RHBDL3: variants seen among roughly 807,000 people sequenced by gnomAD.
RHBDL3 encodes the protein rhomboid like 3, also known as rhomboid-related protein 3.
In RHBDL3, 28 loss-of-function variants were observed where a neutral mutation model predicts 48.2. The observed-to-expected ratio is 0.58, with a 90% CI of 0.43 to 0.80. RHBDL3 has a LOEUF of 0.80. Ranked by LOEUF, RHBDL3 falls within the 30% of genes least tolerant of loss-of-function variation. The pLI is 0.00. For synonymous variants in RHBDL3, 208 were observed against 232.3 expected (o/e 0.90, Z 0.95); for missense variants, 464 against 542.7 (o/e 0.85, Z 1.44).
intron 2 of RHBDL3, among the ~76,000 whole-genome samples, chr17:32,282,607 G>A (rs1160449590): frequency 6.6e-6 from 1 of 152,084 alleles, no homozygotes; most frequent in Non-Finnish European, 1.5e-5. Context: ...GTCCTTTCTT[G>A]TTCAATTCTG....
rs753792496 is a variant in RHBDL3 at position 32,320,964 on chromosome 17, T to C, written c.950T>C (p.Met317Thr). The part of the protein sequence containing the change: ...RMAVALICMS[M>T]EFGRAVWLRF... ...CTGCTTCCTCCCCTTGCAGTGAGCATGGAGTTTGGGCGGGCCGTGTGGCTC... is the reference window on the plus strand; with the variant it reads ...CTGCTTCCTCCCCTTGCAGTGAGCACGGAGTTTGGGCGGGCCGTGTGGCTC... The change falls in exon 9 of 9, where the codon ATG becomes ACG. Residue 317 changes from methionine to threonine, a missense_variant. Physicochemically the swap from Met to Thr is moderately conservative, Grantham distance 81 (BLOSUM62 -1). Coordinates refer to ENST00000269051, the MANE Select transcript of RHBDL3 (RefSeq NM_138328.3). 35 of 1,610,826 alleles carry C rather than the reference T, an allele frequency of 2.2e-5. No homozygotes were observed. The highest frequency in any genetic ancestry group is 2.9e-5 in the Non-Finnish European group (34 of 1,178,344).
chr17:32,299,019 G>C (rs997466056), intron 6 of RHBDL3, among the ~76,000 whole-genome samples: 3 of 151,140 alleles, frequency 2.0e-5, no homozygotes, highest in African/African-American at 7.3e-5. Flanking sequence ...GATCTCCCTC[G>C]TGATGTCTCC....
intron 8 of RHBDL3, 112 bp from the exon 9 acceptor site, chr17:32,320,846 G>A: frequency 1.3e-6 from 1 of 741,828 alleles, no homozygotes; most frequent in Non-Finnish European, 2.3e-6. Flanking sequence ...CCAGTGCAGA[G>A]AATGGTGCTT....
At chr17:32,293,227 G>C (rs1167260135) in intron 4 of RHBDL3, among the ~76,000 whole-genome samples, 4 of 152,102 alleles carry the variant, frequency 2.6e-5, no homozygotes, top group African/African-American at 9.7e-5. Context: ...TGCAAATGAA[G>C]AGTTCTGTGG....
chr17:32,266,815 C>T (rs564932805), intron 1 of RHBDL3, among the ~76,000 whole-genome samples: 6 of 152,350 alleles, frequency 3.9e-5, no homozygotes, highest in African/African-American at 1.2e-4. Flanking sequence ...AGCCGGCCCC[C>T]GCCTCTGACC....
At chr17:32,296,214 G>T (rs918621461) in intron 5 of RHBDL3, among the ~76,000 whole-genome samples, 1 of 137,612 alleles carries the variant, frequency 7.3e-6, no homozygotes, top group Non-Finnish European at 1.5e-5. Flanking sequence ...GAGAGAGACT[G>T]CCTGGATGAC....
intron 8 of RHBDL3, 123 bp downstream of exon 8, chr17:32,316,415 G>T: frequency 2.9e-6 from 2 of 677,990 alleles, no homozygotes; most frequent in South Asian, 3.8e-5. Context: ...CATGTCAATG[G>T]TTAGCAAAAA....
intron 2 of RHBDL3, chr17:32,284,352 C>G (rs896434381): frequency 3.5e-6 from 1 of 286,574 alleles, no homozygotes; most frequent in Non-Finnish European, 6.6e-6. Context: ...CATCTTCCTG[C>G]ACTCATTGCC....
At chr17:32,269,934 A>G (rs1044180507) in intron 2 of RHBDL3, among the ~76,000 whole-genome samples, 1 of 152,090 alleles carries the variant, frequency 6.6e-6, no homozygotes, top group Non-Finnish European at 1.5e-5. Context: ...CTAGTGGTCT[A>G]TTAAATCGAA....
intron 5 of RHBDL3, among the ~76,000 whole-genome samples, chr17:32,297,463 AAAAAC>A (rs1006995200): frequency 2.0e-5 from 3 of 152,016 alleles, no homozygotes; most frequent in Non-Finnish European, 4.4e-5. Flanking sequence ...CTCCATCTCA[AAAAAC>A]AAAACAAAAC....
chr17:32,288,796 G>A lies in RHBDL3; in HGVS notation c.299G>A (p.Ser100Asn), dbSNP rs776455666. Residue 100 changes from serine (S) to asparagine (N), a missense_variant, in exon 4 of 9, where the codon AGC (serine) becomes AAC (asparagine). Physicochemically the swap from Ser to Asn is conservative, Grantham distance 46. Coordinates refer to ENST00000269051, the MANE Select transcript of RHBDL3 (RefSeq NM_138328.3). ...CCCACTCCATTTCCTGCACAGATGA[G>A]CAACAAGCGTTCCAACAGCTTCCGC... is the stretch of plus-strand genomic sequence containing the variant. Reference protein sequence around the residue: ...IGYQDFVSLMSNKRSNSFRQA... With the variant: ...IGYQDFVSLMNNKRSNSFRQA... 6.2e-7 allele frequency: 1 copy of A among 1,610,158 alleles called. No individual in the cohort carries two copies. The highest frequency in any genetic ancestry group is 1.1e-5 in the South Asian group (1 of 90,726).
chr17:32,298,522 T>TAA (rs2040508400), intron 6 of RHBDL3, among the ~76,000 whole-genome samples: 1 of 152,220 alleles, frequency 6.6e-6, no homozygotes, highest in East Asian at 1.9e-4. Flanking sequence ...TAACCTCTTT[T>TAA]GGCCATGTTA....
chr17:32,278,320 G>A (rs1204320993), intron 2 of RHBDL3, among the ~76,000 whole-genome samples: 3 of 152,030 alleles, frequency 2.0e-5, no homozygotes, highest in Admixed American at 6.6e-5. Flanking sequence ...TAAACTCAGG[G>A]GCTATGTTTC....
chr17:32,313,781 G>A (rs1247702483), intron 7 of RHBDL3, among the ~76,000 whole-genome samples: 2 of 115,868 alleles, frequency 1.7e-5, no homozygotes, highest in African/African-American at 3.1e-5. Flanking sequence ...TTTTTGAGAC[G>A]AGTCTCACTC....
rs989140990 is a variant in RHBDL3 at position 32,297,196 on chromosome 17, A to G, written c.669-896A>G. 2.9e-3 allele frequency among the ~76,000 whole-genome samples: 443 copies of G among 150,418 alleles called. 2 individuals are homozygous for G. The highest frequency in any genetic ancestry group is 0.01 in the African/African-American group (421 of 41,172). Reference sequence around the variant, plus strand: ...ATAGAGCCAGAACATGGCCAGGCGCAGTGGCTCATGCCTGTAATCCCAAAA... The same window carrying G: ...ATAGAGCCAGAACATGGCCAGGCGCGGTGGCTCATGCCTGTAATCCCAAAA... On this transcript the variant is annotated intron_variant, in intron 5 of 8. Transcript: ENST00000269051.
At chr17:32,309,455 G>A (rs1027713393) in intron 7 of RHBDL3, among the ~76,000 whole-genome samples, 2 of 152,048 alleles carry the variant, frequency 1.3e-5, no homozygotes, top group African/African-American at 2.4e-5. Flanking sequence ...GGGAGGCTGA[G>A]GCAGGAGAAT....
intron 5 of RHBDL3, among the ~76,000 whole-genome samples, chr17:32,296,399 G>A (rs1200581745): frequency 1.4e-5 from 2 of 138,826 alleles, no homozygotes; most frequent in Admixed American, 7.7e-5. Flanking sequence ...GCAGTGGCGC[G>A]ATCTTGGCTC....
In RHBDL3 at chr17:32,284,818, G is replaced by T; in HGVS notation, c.294+1G>T. 1 of 1,613,602 alleles carries T rather than the reference G, an allele frequency of 6.2e-7. No individual in the cohort carries two copies. The highest frequency in any genetic ancestry group is 8.5e-7 in the Non-Finnish European group (1 of 1,179,822). On this transcript the variant is annotated splice_donor_variant, in intron 3 of 8. Coordinates refer to ENST00000269051, the MANE Select transcript of RHBDL3 (RefSeq NM_138328.3). LOFTEE classifies it high-confidence loss of function. ...CGGCTACCAGGATTTTGTCAGCCTA[G>T]TGAGTGCTCTGGGGCCCTTGGTACT...
Position 32,324,236 on chromosome 17 carries a change from G to A in RHBDL3, c.*3007G>A, listed in dbSNP as rs1461090696. 6.6e-6 allele frequency: 1 copy of A among 152,592 alleles called. No individual in the cohort carries two copies. Among genetic ancestry groups the A allele is most frequent in the Non-Finnish European group, 1.5e-5 (1 of 68,032 alleles). The allele number at this position is 152,592 out of a possible 1,614,324, so 9.5% of individuals were successfully genotyped here. A position where few individuals can be genotyped will look rare whatever the true frequency, so the allele number is the denominator to read the frequency against. ...GCTTTAATGACACCATTCATCATTCGTTTTTTAATTAGGAAAAGCTCCCTA... is the reference window on the plus strand; with the variant it reads ...GCTTTAATGACACCATTCATCATTCATTTTTTAATTAGGAAAAGCTCCCTA... On this transcript the variant is annotated 3_prime_UTR_variant, in exon 9 of 9. Transcript: ENST00000269051.
Sources: gnomAD v4.1 joint callset for allele counts (sites outside exome capture counted in the v4.1 genomes callset) on GRCh38, gnomAD v4.1.1 for gene constraint, MANE v1.5 for transcripts, NCBI Gene and HGNC (gene_info 2026-07-23, HGNC 2026-07-21) for gene names.